The following CFTR variants were observed in gnomAD, a reference collection of about 807,000 sequenced individuals.
CFTR encodes the protein CF transmembrane conductance regulator, also known as cystic fibrosis transmembrane conductance regulator.
CFTR carries 181 observed loss-of-function variants against 171.6 expected under a neutral mutation model. The observed-to-expected ratio is 1.05, with a 90% CI of 0.93 to 1.19. CFTR has a LOEUF of 1.19. Ranked by LOEUF, CFTR falls within the 50% of genes most tolerant of loss-of-function variation. The pLI is 0.00. For synonymous variants in CFTR, 583 were observed against 608.0 expected, an observed-to-expected ratio of 0.96 and a Z score of 0.60; for missense variants, 1,968 against 1,734.7, an observed-to-expected ratio of 1.13 and a Z score of -2.39.
intron 11 of CFTR, among the ~76,000 whole-genome samples, chr7:117,580,407 T>C (rs1791832771): frequency 6.6e-6 from 1 of 152,062 alleles, no homozygotes; most frequent in Non-Finnish European, 1.5e-5. Flanking sequence ...GGGAAAAGGG[T>C]ACTTTCAAAA....
intron 9 of CFTR, among the ~76,000 whole-genome samples, chr7:117,543,216 T>C (rs531097211): frequency 1.3e-5 from 2 of 152,348 alleles, no homozygotes; most frequent in Middle Eastern, 3.4e-3. Context: ...TTGATATAAG[T>C]AACTTGAGCA....
At chr7:117,541,062 G>A (rs1215449851) in intron 8 of CFTR, among the ~76,000 whole-genome samples, 2 of 152,138 alleles carry the variant, frequency 1.3e-5, no homozygotes, top group African/African-American at 4.8e-5. Flanking sequence ...CAGAGCACCT[G>A]CCCTCTCCTG....
chr7:117,631,204 C>A (rs192431358), intron 22 of CFTR, among the ~76,000 whole-genome samples: 51 of 152,162 alleles, frequency 3.4e-4, no homozygotes, highest in Non-Finnish European at 6.8e-4. Context: ...GTAGATTTTG[C>A]TATTAGGTGC....
chr7:117,609,637 G>A lies in CFTR; in HGVS notation c.2989-882G>A, dbSNP rs187970832. Reference sequence around the variant, plus strand: ...TATGCTCCGAAAGGTTAGATAGCTTGCCTAAATGACAAGCTTGTATTTCAA... The same window carrying A: ...TATGCTCCGAAAGGTTAGATAGCTTACCTAAATGACAAGCTTGTATTTCAA... On this transcript the variant is annotated intron_variant, in intron 18 of 26. Transcript: ENST00000003084. Among the ~76,000 whole-genome samples the A allele has an allele frequency of 4.6e-5, 7 of 152,190 alleles. No homozygotes were observed. The East Asian group carries it at 7.7e-4, about 17-fold the overall frequency.
chr7:117,480,133 C>T lies in CFTR; in HGVS notation c.39C>T (p.Ser13=). The part of the protein sequence containing the change: ...RSPLEKASVV[S]KLFFSWTRPI... ...CTCTGGAAAAGGCCAGCGTTGTCTCCAAACTTTTTTTCAGGTGAGAAGGTG... is the reference window on the plus strand; with the variant it reads ...CTCTGGAAAAGGCCAGCGTTGTCTCTAAACTTTTTTTCAGGTGAGAAGGTG... Residue 13 remains serine (S), a synonymous_variant, in exon 1 of 27, where the codon TCC becomes TCT. Coordinates refer to ENST00000003084, the MANE Select transcript of CFTR (RefSeq NM_000492.4). 6.2e-7 allele frequency: 1 copy of T among 1,613,818 alleles called. No individual in the cohort carries two copies. Among genetic ancestry groups the T allele is most frequent in the Non-Finnish European group, 8.5e-7 (1 of 1,179,850 alleles).
chr7:117,555,244 T>G (rs1799333077), intron 10 of CFTR, among the ~76,000 whole-genome samples: 1 of 152,156 alleles, frequency 6.6e-6, no homozygotes. Context: ...AAAGTTAAAA[T>G]TTATCAAAAC....
At chr7:117,601,786 A>G (rs1037601447) in intron 15 of CFTR, among the ~76,000 whole-genome samples, 9 of 152,242 alleles carry the variant, frequency 5.9e-5, no homozygotes, top group Admixed American at 1.3e-4. Flanking sequence ...TACATGGTTT[A>G]TGAGAATGGA....
intron 3 of CFTR, among the ~76,000 whole-genome samples, chr7:117,513,883 C>T (rs1415581985): frequency 6.6e-6 from 1 of 152,214 alleles, no homozygotes; most frequent in Admixed American, 6.5e-5. Context: ...TAAACTCCAT[C>T]TCTAACACAG....
Position 117,599,994 on chromosome 7 carries a change from AGT to A in CFTR, c.2620-2830_2620-2829del, listed in dbSNP as rs1256096782. ...TAAGATACATTTATTCCTTGGTGTA[AGT>A]GATTTGTCTATTTTTAGTTTTCCTA... On this transcript the variant is annotated intron_variant, in intron 15 of 26. Coordinates refer to ENST00000003084, the MANE Select transcript of CFTR (RefSeq NM_000492.4). Among the ~76,000 whole-genome samples the A allele has an allele frequency of 3.9e-5, 6 of 152,186 alleles. No homozygotes were observed. In the East Asian group the frequency reaches 9.6e-4, roughly 24 times the overall value.
At chr7:117,624,620 G>C (rs1426014913) in intron 21 of CFTR, among the ~76,000 whole-genome samples, 1 of 152,140 alleles carries the variant, frequency 6.6e-6, no homozygotes, top group African/African-American at 2.4e-5. Flanking sequence ...ATAGAACCAG[G>C]ATTTGGTTGC....
At chr7:117,516,287 T>TAACTC (rs1798595410) in intron 3 of CFTR, among the ~76,000 whole-genome samples, 1 of 151,916 alleles carries the variant, frequency 6.6e-6, no homozygotes, top group Non-Finnish European at 1.5e-5. Flanking sequence ...TAACATAACT[T>TAACTC]ATTTTATGAT....
At chr7:117,564,418 T>A (rs1329730802) in intron 11 of CFTR, 3 of 152,388 alleles carry the variant, frequency 2.0e-5, no homozygotes, top group Admixed American at 6.5e-5. Flanking sequence ...AAAAGGTCAA[T>A]AAGAATTCAA....
At chr7:117,649,497 GTATATATATA>G (rs755073383) in intron 23 of CFTR, among the ~76,000 whole-genome samples, 2 of 139,370 alleles carry the variant, frequency 1.4e-5, no homozygotes, top group Non-Finnish European at 3.1e-5. Flanking sequence ...GTGTGTGTGT[GTATATATATA>G]TATATATATA....
chr7:117,522,656 G>A (rs1409301377), intron 3 of CFTR, among the ~76,000 whole-genome samples: 2 of 152,038 alleles, frequency 1.3e-5, no homozygotes, highest in Non-Finnish European at 2.9e-5. Context: ...TATTTCATGT[G>A]GTAGCAAATC....
intron 1 of CFTR, among the ~76,000 whole-genome samples, chr7:117,492,691 G>A (rs1423106287): frequency 2.0e-5 from 3 of 151,952 alleles, no homozygotes; most frequent in Non-Finnish European, 4.4e-5. Context: ...TTCTTCTTGT[G>A]GACCTTACAG....
intron 18 of CFTR, among the ~76,000 whole-genome samples, chr7:117,608,828 A>G (rs1219502472): frequency 6.6e-6 from 1 of 152,078 alleles, no homozygotes; most frequent in Non-Finnish European, 1.5e-5. Flanking sequence ...AATAAAGCAT[A>G]CCTATAAATT....
At position 117,603,574 on chromosome 7, in the gene CFTR, T is replaced by C. The variant is rs672601315; in HGVS notation, c.2700T>C (p.Asn900=). ...AAGGGAATAGTACTCATAGTAGAAA[T>C]AACAGCTATGCAGTGATTATCACCA... is the stretch of plus-strand genomic sequence containing the variant. The part of the protein sequence containing the change: ...QDKGNSTHSR[N]NSYAVIITST... Residue 900 remains asparagine, a synonymous_variant, in exon 17 of 27, where the codon AAT becomes AAC. Coordinates refer to ENST00000003084, the MANE Select transcript of CFTR (RefSeq NM_000492.4). 1 of 1,613,874 alleles carries C rather than the reference T, an allele frequency of 6.2e-7. No individual in the cohort carries two copies. Among genetic ancestry groups the C allele is most frequent in the African/African-American group, 1.3e-5 (1 of 74,932 alleles).
chr7:117,568,236 C>A (rs148231480), intron 11 of CFTR, among the ~76,000 whole-genome samples: 40 of 152,208 alleles, frequency 2.6e-4, no homozygotes, highest in Non-Finnish European at 5.1e-4. Flanking sequence ...ATATCCAGAC[C>A]TTTATATGCT....
intron 11 of CFTR, among the ~76,000 whole-genome samples, chr7:117,561,926 G>C (rs914439773): frequency 6.6e-6 from 1 of 152,154 alleles, no homozygotes; most frequent in Non-Finnish European, 1.5e-5. Flanking sequence ...AGGGTGACAA[G>C]AATGAAAGTT....
Sources: gnomAD v4.1 joint callset for allele counts (sites outside exome capture counted in the v4.1 genomes callset) on GRCh38, gnomAD v4.1.1 for gene constraint, MANE v1.5 for transcripts, NCBI Gene and HGNC (gene_info 2026-07-23, HGNC 2026-07-21) for gene names.